HIVEP3: variants seen among roughly 807,000 people sequenced by gnomAD.
HIVEP3 encodes HIVEP zinc finger 3.
HIVEP3 carries 49 observed loss-of-function variants against 152.8 expected under a neutral mutation model. The ratio of observed to expected loss-of-function variants is 0.32; its 90% confidence interval spans 0.26 to 0.41. The LOEUF is 0.41. Ranked by LOEUF, HIVEP3 falls within the 10% of genes least tolerant of loss-of-function variation. The pLI is 1.00. For missense variants in HIVEP3, 2,790 were observed against 3,103.3 expected (o/e 0.90, Z 2.40); for synonymous variants, 1,269 against 1,289.0 (o/e 0.98, Z 0.33).
At chr1:41,941,351 C>CG (rs1204869236) in intron 1 of HIVEP3, among the ~76,000 whole-genome samples, 1 of 152,064 alleles carries the variant, frequency 6.6e-6, no homozygotes, top group Non-Finnish European at 1.5e-5. Context: ...GCCAAGGAGC[C>CG]GATCCTAGAG....
chr1:41,611,541 T>C (rs772170623), intron 3 of HIVEP3, among the ~76,000 whole-genome samples: 1 of 152,236 alleles, frequency 6.6e-6, no homozygotes, highest in Non-Finnish European at 1.5e-5. Flanking sequence ...GGTTCCATCA[T>C]GCGCCCAGGG....
At chr1:41,644,214 G>A (rs1241034311) in intron 2 of HIVEP3, among the ~76,000 whole-genome samples, 1 of 152,018 alleles carries the variant, frequency 6.6e-6, no homozygotes, top group East Asian at 1.9e-4. Flanking sequence ...TTCCTCACCA[G>A]GGTCACCTCC....
chr1:41,868,084 G>A (rs1644011822), intron 1 of HIVEP3, among the ~76,000 whole-genome samples: 1 of 152,160 alleles, frequency 6.6e-6, no homozygotes, highest in Non-Finnish European at 1.5e-5. Flanking sequence ...GCTGGCCTCA[G>A]TGCCTCCTCT....
At chr1:41,893,924 A>G (rs1338253197) in intron 1 of HIVEP3, among the ~76,000 whole-genome samples, 2 of 148,268 alleles carry the variant, frequency 1.3e-5, no homozygotes, top group South Asian at 4.2e-4. Flanking sequence ...ATATATATAT[A>G]TAAATTGTCT....
chr1:41,924,680 T>C (rs905329684), intron 1 of HIVEP3, among the ~76,000 whole-genome samples: 9 of 145,290 alleles, frequency 6.2e-5, no homozygotes, highest in Non-Finnish European at 1.3e-4. Context: ...TGAGACCATC[T>C]ATGTAGAGTG....
At chr1:41,641,615 T>C (rs948245524) in intron 2 of HIVEP3, among the ~76,000 whole-genome samples, 1 of 152,236 alleles carries the variant, frequency 6.6e-6, no homozygotes, top group Admixed American at 6.5e-5. Context: ...AAGTTTCCAT[T>C]GCATCAGTTA....
At chr1:41,838,265 G>A (rs921713409) in intron 1 of HIVEP3, among the ~76,000 whole-genome samples, 8 of 152,084 alleles carry the variant, frequency 5.3e-5, no homozygotes, top group Non-Finnish European at 1.2e-4. Flanking sequence ...TCCACATAAT[G>A]TCATCGACAG....
chr1:41,889,173 CACAA>C (rs901798026), intron 1 of HIVEP3, among the ~76,000 whole-genome samples: 2 of 149,114 alleles, frequency 1.3e-5, no homozygotes, highest in Non-Finnish European at 1.5e-5. Flanking sequence ...CCATATACCT[CACAA>C]ACACACATAT....
rs2124491613 is a variant in HIVEP3 at position 41,951,449 on chromosome 1, G to C, written n.120-32925C>G. 3.9e-5 allele frequency among the ~76,000 whole-genome samples: 6 copies of C among 152,330 alleles called. 1 individual carries two copies. In the South Asian group the frequency reaches 1.2e-3, roughly 32 times the overall value. On this transcript the variant is annotated intron_variant and non_coding_transcript_variant, in intron 1 of 3. Transcript: ENST00000489103. ...AGAGGGCACAAATAAGATTTCTGGT[G>C]TGCTGAAATTGGGAGTGATCTCTTC... is the stretch of plus-strand genomic sequence containing the variant.
At chr1:41,849,085 C>T (rs17365632) in intron 1 of HIVEP3, 52,202 of 152,162 alleles carry the variant, frequency 0.34, 9,138 homozygotes, top group Non-Finnish European at 0.38. Flanking sequence ...ATCCGAGACA[C>T]CAGACTGAGA....
At chr1:41,778,149 C>T (rs188598824) in intron 1 of HIVEP3, among the ~76,000 whole-genome samples, 26 of 152,312 alleles carry the variant, frequency 1.7e-4, no homozygotes, top group Non-Finnish European at 2.1e-4. Flanking sequence ...TTCTCCTTAT[C>T]TTCGGTAATG....
rs566451281 is a variant in HIVEP3 at position 41,948,482 on chromosome 1, T to A, written n.120-29958A>T. ...AGGTGGCAGTCTTACACTGCCAGAGTCATCAGAAAGAAAAGGAAAGGGAAA... is the reference window on the plus strand; with the variant it reads ...AGGTGGCAGTCTTACACTGCCAGAGACATCAGAAAGAAAAGGAAAGGGAAA... On this transcript the variant is annotated intron_variant and non_coding_transcript_variant, in intron 1 of 3. Coordinates refer to the HIVEP3 transcript ENST00000489103. Among the ~76,000 whole-genome samples the A allele has an allele frequency of 1.5e-4, 22 of 151,656 alleles. No homozygotes were observed. The South Asian group carries it at 4.6e-3, about 32-fold the overall frequency.
intron 4 of HIVEP3, among the ~76,000 whole-genome samples, chr1:41,579,480 AT>A (rs1209048113): frequency 3.9e-5 from 6 of 152,228 alleles, no homozygotes; most frequent in Non-Finnish European, 8.8e-5. Context: ...CACAACAGAA[AT>A]TCATGGCAGA....
chr1:41,897,485 G>T (rs1644547978), intron 1 of HIVEP3, among the ~76,000 whole-genome samples: 1 of 150,994 alleles, frequency 6.6e-6, no homozygotes, highest in South Asian at 2.1e-4. Flanking sequence ...ACACGTAGAA[G>T]GCATCTTTTC....
intron 1 of HIVEP3, among the ~76,000 whole-genome samples, chr1:42,014,191 A>C (rs1645508540): frequency 6.6e-6 from 1 of 152,194 alleles, no homozygotes; most frequent in African/African-American, 2.4e-5. Context: ...TGAAGAGCAG[A>C]TACATGTCCC....
chr1:41,791,321 C>T (rs1649680931), intron 1 of HIVEP3, among the ~76,000 whole-genome samples: 1 of 152,210 alleles, frequency 6.6e-6, no homozygotes. Flanking sequence ...TAGCACTTTG[C>T]TGAAACAGAG....
intron 1 of HIVEP3, among the ~76,000 whole-genome samples, chr1:41,756,527 C>T (rs1168752802): frequency 6.6e-6 from 1 of 152,128 alleles, no homozygotes; most frequent in Non-Finnish European, 1.5e-5. Context: ...GCCCTAGATC[C>T]CTGGATAAAC....
chr1:41,882,489 T>C (rs1220721272), intron 1 of HIVEP3, among the ~76,000 whole-genome samples: 2 of 152,142 alleles, frequency 1.3e-5, no homozygotes, highest in African/African-American at 4.8e-5. Context: ...TGGGAAGGGA[T>C]AATTAAACTA....
chr1:41,671,028 CCT>C (rs1645867314), intron 2 of HIVEP3, among the ~76,000 whole-genome samples: 1 of 152,190 alleles, frequency 6.6e-6, no homozygotes, highest in African/African-American at 2.4e-5. Context: ...AGAAATTTTC[CCT>C]GATTATCATC....
Sources: gnomAD v4.1 joint callset for allele counts (sites outside exome capture counted in the v4.1 genomes callset) on GRCh38, gnomAD v4.1.1 for gene constraint, MANE v1.5 for transcripts, NCBI Gene and HGNC (gene_info 2026-07-23, HGNC 2026-07-21) for gene names.